UGT3A1: variants seen among roughly 807,000 people sequenced by gnomAD.
UGT3A1 encodes the protein UDP-glycosyltransferase 3A1.
In UGT3A1, 40 loss-of-function variants were observed where a neutral mutation model predicts 37.6. The ratio of observed to expected loss-of-function variants is 1.06; its 90% CI spans 0.83 to 1.38. UGT3A1 has a LOEUF of 1.38. UGT3A1 is among the 40% of genes most tolerant of loss of function. The pLI, the probability that UGT3A1 is intolerant of heterozygous loss-of-function variation, is 0.00. For missense variants in UGT3A1, 642 were observed against 634.2 expected (o/e 1.01, Z -0.13); for synonymous variants, 256 against 232.3 (o/e 1.10, Z -0.93).
At chr5:35,966,756 T>A (rs553659210) in intron 3 of UGT3A1, among the ~76,000 whole-genome samples, 1 of 152,072 alleles carries the variant, frequency 6.6e-6, no homozygotes, top group East Asian at 1.9e-4. Context: ...CCTAATCACA[T>A]GAAGAATGGA....
At chr5:35,962,558 T>C (rs1283167086) in intron 4 of UGT3A1, 1 of 217,740 alleles carries the variant, frequency 4.6e-6, no homozygotes, top group East Asian at 1.1e-4. Context: ...TTGCAGCCTC[T>C]CCTGAAATGA....
At position 35,957,259 on chromosome 5, in the gene UGT3A1, T is replaced by C; in HGVS notation, c.1004A>G (p.His335Arg). ...QGVIWTCQSS[H>R]WPRDVHLATN... ...GGCCAAATGAACATCTCTGGGCCAA[T>C]GAGAACTCTGACATGTCCATATCAC... The change falls in exon 5 of 7, where the codon CAT (histidine) becomes CGT (arginine). Residue 335 changes from histidine (H) to arginine (R), a missense_variant. Transcript: ENST00000274278. 1 of 1,614,078 alleles carries C rather than the reference T, an allele frequency of 6.2e-7. No individual in the cohort carries two copies. The highest frequency in any genetic ancestry group is 1.1e-5 in the South Asian group (1 of 91,078).
chr5:35,974,145 C>T (rs1264391323), intron 2 of UGT3A1, among the ~76,000 whole-genome samples: 3 of 152,124 alleles, frequency 2.0e-5, no homozygotes, highest in Non-Finnish European at 2.9e-5. Flanking sequence ...TAATCTTTCT[C>T]CAGCTTTCTC....
intron 1 of UGT3A1, among the ~76,000 whole-genome samples, chr5:35,999,511 G>A (rs1051557337): frequency 6.6e-6 from 1 of 152,126 alleles, no homozygotes; most frequent in African/African-American, 2.4e-5. Context: ...GAAACAAGCA[G>A]GGGAATACTT....
chr5:35,982,518 C>A (rs1018889275), intron 2 of UGT3A1, among the ~76,000 whole-genome samples: 1 of 152,188 alleles, frequency 6.6e-6, no homozygotes, highest in Non-Finnish European at 1.5e-5. Context: ...TTGTTTAGGA[C>A]AATTTCTCCC....
At position 35,954,477 on chromosome 5, in the gene UGT3A1, A is replaced by T. The variant is rs1459272873; in HGVS notation, c.1297T>A (p.Tyr433Asn). Residue 433 changes from tyrosine (Y) to asparagine (N), a missense_variant and splice_region_variant, in exon 7 of 7, where the codon TAC becomes AAC. Transcript: ENST00000274278. ...TMKQVIEDKR[Y>N]KSAVVAASVI... ...CTGGCTGCCACCACTGCCGACTTGTACCTGTTGGCGGAGACAGAGAGGGTG... is the reference window on the plus strand; with the variant it reads ...CTGGCTGCCACCACTGCCGACTTGTTCCTGTTGGCGGAGACAGAGAGGGTG... 7.4e-6 allele frequency: 12 copies of T among 1,613,574 alleles called. No homozygotes were observed. The highest frequency in any genetic ancestry group is 1.0e-5 in the Non-Finnish European group (12 of 1,179,554).
At chr5:35,999,912 G>GA (rs1374402846) in intron 1 of UGT3A1, among the ~76,000 whole-genome samples, 1 of 152,090 alleles carries the variant, frequency 6.6e-6, no homozygotes, top group African/African-American at 2.4e-5. Flanking sequence ...ATGGCAGCTG[G>GA]AAAAAATCTA....
rs138678170 is a variant in UGT3A1, at chr5:35,973,835, G to A, written c.197-5702C>T. ...GCACTTAAGCACCAAAATCAAGGTA[G>A]GCATGGTTACCATGAGGAATAGTAG... On this transcript the variant is annotated intron_variant, in intron 2 of 6. Transcript: ENST00000274278. Among the ~76,000 whole-genome samples the A allele has an allele frequency of 3.3e-3, 498 of 152,206 alleles. 2 individuals are homozygous for A. Among genetic ancestry groups the A allele is most frequent in the African/African-American group, 0.011 (461 of 41,544 alleles).
intron 1 of UGT3A1, chr5:35,997,347 T>TA (rs965278716): frequency 1.4e-3 from 211 of 152,200 alleles, no homozygotes; most frequent in African/African-American, 4.7e-3. Flanking sequence ...AGAACAACAA[T>TA]ACACATGGAC....
intron 2 of UGT3A1, among the ~76,000 whole-genome samples, chr5:35,978,306 A>T (rs941998404): frequency 6.6e-5 from 10 of 152,174 alleles, no homozygotes; most frequent in Non-Finnish European, 1.3e-4. Flanking sequence ...AAGTGCGGGG[A>T]TTACAAGCAT....
chr5:35,954,145 G>A lies in UGT3A1; in HGVS notation c.*57C>T. On this transcript the variant is annotated 3_prime_UTR_variant, in exon 7 of 7. Coordinates refer to ENST00000274278, the MANE Select transcript of UGT3A1 (RefSeq NM_152404.4). ...CAGAGGGGTGGCGTGTGCTGGGGTG[G>A]GGAGAACCTTCAAAGGACCAGGGAT... The A allele has an allele frequency of 6.4e-7, 1 of 1,568,024 alleles. No homozygotes were observed. The highest frequency in any genetic ancestry group is 1.2e-5 in the South Asian group (1 of 83,658).
intron 1 of UGT3A1, among the ~76,000 whole-genome samples, chr5:35,989,379 C>G (rs1159773135): frequency 6.6e-6 from 1 of 152,142 alleles, no homozygotes; most frequent in African/African-American, 2.4e-5. Flanking sequence ...TCACTGGAAG[C>G]TAAGGTTCTC....
chr5:35,963,615 A>G (rs1402678790), intron 4 of UGT3A1, among the ~76,000 whole-genome samples: 1 of 152,246 alleles, frequency 6.6e-6, no homozygotes, highest in Non-Finnish European at 1.5e-5. Flanking sequence ...TGCTCTGTGC[A>G]AATAGGTTCC....
At chr5:35,971,421 C>A (rs1301226144) in intron 2 of UGT3A1, among the ~76,000 whole-genome samples, 1 of 151,812 alleles carries the variant, frequency 6.6e-6, no homozygotes, top group Non-Finnish European at 1.5e-5. Context: ...AGTAACTCTC[C>A]AGACACTGTT....
In UGT3A1 at chr5:35,952,438, T is replaced by TG. The variant is rs1739215781; in HGVS notation, c.*1763dup. 3.3e-5 allele frequency: 5 copies of TG among 152,202 alleles called. No individual in the cohort carries two copies. Among genetic ancestry groups the TG allele is most frequent in the Admixed American group, 6.5e-5 (1 of 15,282 alleles). The allele number at this position is 152,202 out of a possible 1,614,324, so 9.4% of individuals were successfully genotyped here. On this transcript the variant is annotated 3_prime_UTR_variant, in exon 7 of 7. Transcript: ENST00000274278. ...TGCTTGCAGCCCTGTGGAGGGTGCT[T>TG]GGACAGAGCAAGATTAGAAGCATCA...
At position 35,985,996 on chromosome 5, in the gene UGT3A1, A is replaced by G. The variant is rs1225557547; in HGVS notation, c.196+2454T>C. 3.3e-5 allele frequency among the ~76,000 whole-genome samples: 5 copies of G among 152,308 alleles called. No homozygotes were observed. The East Asian group carries it at 9.6e-4, about 29-fold the overall frequency. ...AATAACCAGAATATATAAACAGCTC[A>G]AACAACTTAATAGCAAATAAATAGT... On this transcript the variant is annotated intron_variant, in intron 2 of 6. Coordinates refer to ENST00000274278, the MANE Select transcript of UGT3A1 (RefSeq NM_152404.4).
chr5:35,966,980 T>G (rs976293756), intron 3 of UGT3A1, among the ~76,000 whole-genome samples: 4 of 152,246 alleles, frequency 2.6e-5, no homozygotes, highest in Non-Finnish European at 5.9e-5. Flanking sequence ...TTTTTAAATA[T>G]TGTGGATAAA....
intron 5 of UGT3A1, 148 bp downstream of exon 5, chr5:35,957,040 C>T (rs932428536): frequency 7.9e-6 from 5 of 633,530 alleles, no homozygotes; most frequent in Middle Eastern, 8.7e-4. Flanking sequence ...TTCCAGCTGG[C>T]TGTTCTTTTC....
At chr5:35,981,024 G>A (rs904268743) in intron 2 of UGT3A1, among the ~76,000 whole-genome samples, 1 of 152,188 alleles carries the variant, frequency 6.6e-6, no homozygotes, top group Admixed American at 6.5e-5. Context: ...CTGGTCAGGA[G>A]AAGAAAATCA....
Sources: gnomAD v4.1 joint callset for allele counts (sites outside exome capture counted in the v4.1 genomes callset) on GRCh38, gnomAD v4.1.1 for gene constraint, MANE v1.5 for transcripts, NCBI Gene and HGNC (gene_info 2026-07-23, HGNC 2026-07-21) for gene names.